GOLGA4: variants seen among roughly 807,000 people sequenced by gnomAD.
GOLGA4 encodes golgin subfamily A member 4.
GOLGA4 carries 169 observed loss-of-function variants against 265.9 expected under a neutral mutation model. The ratio of observed to expected loss-of-function variants is 0.64; its 90% CI spans 0.56 to 0.72. The LOEUF is 0.72. GOLGA4 is among the 30% of genes least tolerant of loss of function. The probability of loss-of-function intolerance (pLI) is 0.00; values close to 1 mark genes in which losing one functional copy is unlikely to be tolerated. For missense variants in GOLGA4, 2,482 were observed against 2,483.4 expected (o/e 1.00, Z 0.01); for synonymous variants, 923 against 855.8 (o/e 1.08, Z -1.37).
chr3:37,327,194 C>G lies in GOLGA4; in HGVS notation c.5308C>G (p.Arg1770Gly). 1 of 1,613,714 alleles carries G rather than the reference C, an allele frequency of 6.2e-7. No homozygotes were observed. Among genetic ancestry groups the G allele is most frequent in the African/African-American group, 1.3e-5 (1 of 74,990 alleles). The change falls in exon 14 of 24, where the codon CGA (arginine) becomes GGA (glycine). Residue 1770 changes from arginine to glycine, a missense_variant. Physicochemically the swap from Arg to Gly is moderately radical, Grantham distance 125. Around this residue, in one of 3 missense-constraint regions of GOLGA4, gnomAD observed 942 missense variants for 983.1 expected, o/e 0.96. Transcript: ENST00000361924. The part of the protein sequence containing the change: ...EETVSSHFEM[R>G]CQYQERLIKL... ...GACAGTTTCTTCTCATTTTGAAATG[C>G]GATGCCAATACCAGGAGCGCTTAAT...
intron 21 of GOLGA4, among the ~76,000 whole-genome samples, chr3:37,351,075 A>C (rs915997323): frequency 2.6e-5 from 4 of 152,056 alleles, no homozygotes; most frequent in African/African-American, 7.2e-5. Flanking sequence ...CTTCTTTCAA[A>C]ATTGCGGTCA....
At chr3:37,278,022 G>T (rs1428126040) in intron 2 of GOLGA4, among the ~76,000 whole-genome samples, 1 of 152,002 alleles carries the variant, frequency 6.6e-6, no homozygotes, top group Non-Finnish European at 1.5e-5. Flanking sequence ...CATAGTTGAA[G>T]ATTTTGTTTT....
Position 37,366,085 on chromosome 3 carries a change from G to T in GOLGA4, c.*39G>T, listed in dbSNP as rs1219001866. On this transcript the variant is annotated 3_prime_UTR_variant, in exon 24 of 24. Transcript: ENST00000361924. ...TTTTCCTTTTTCTTTTCCAGTCATG[G>T]CTCCGATCTTCATCTTGAAGAAGAG... is the stretch of plus-strand genomic sequence containing the variant. 3 of 1,526,800 alleles carry T rather than the reference G, an allele frequency of 2.0e-6. No homozygotes were observed. Among genetic ancestry groups the T allele is most frequent in the Admixed American group, 2.0e-5 (1 of 50,446 alleles). The allele number at this position is 1,526,800 out of a possible 1,614,324, so 94.6% of individuals were successfully genotyped here.
chr3:37,310,764 G>C (rs1470413921), intron 10 of GOLGA4, among the ~76,000 whole-genome samples: 2 of 151,560 alleles, frequency 1.3e-5, no homozygotes, highest in Non-Finnish European at 2.9e-5. Flanking sequence ...AATTGCCTGA[G>C]ATACATTGAA....
At chr3:37,273,744 C>T (rs2096805316) in intron 2 of GOLGA4, 3 of 566,298 alleles carry the variant, frequency 5.3e-6, no homozygotes, top group Non-Finnish European at 6.2e-6. Flanking sequence ...CACAGGTTTG[C>T]TCATGGTTTC....
chr3:37,276,299 A>C (rs901505647), intron 2 of GOLGA4: 4 of 1,598,012 alleles, frequency 2.5e-6, no homozygotes, highest in Non-Finnish European at 1.7e-6. Context: ...AGATGCAAAA[A>C]ATCCAAATTT....
intron 5 of GOLGA4, among the ~76,000 whole-genome samples, chr3:37,290,046 CTTTAGGACAA>C (rs1181370331): frequency 6.6e-6 from 1 of 152,080 alleles, no homozygotes; most frequent in African/African-American, 2.4e-5. Context: ...AAATAGGTAG[CTTTAGGACAA>C]ATCAAAGTAA....
At chr3:37,276,489 G>T (rs1200622453) in intron 2 of GOLGA4, 7 of 1,609,898 alleles carry the variant, frequency 4.3e-6, no homozygotes, top group Non-Finnish European at 5.9e-6. Flanking sequence ...TGTGGCAAAT[G>T]TAAAAAGAAG....
chr3:37,302,430 T>C (rs1188182365), intron 10 of GOLGA4, 98 bp downstream of exon 10: 10 of 1,067,984 alleles, frequency 9.4e-6, no homozygotes, highest in Non-Finnish European at 1.1e-5. Context: ...TTGATAAAAA[T>C]TCTTAACTAT....
intron 2 of GOLGA4, among the ~76,000 whole-genome samples, chr3:37,274,044 G>A (rs1340661591): frequency 1.3e-5 from 2 of 150,380 alleles, no homozygotes; most frequent in Non-Finnish European, 2.9e-5. Flanking sequence ...ACGTTGTCAT[G>A]AGCTGAGTTT....
chr3:37,259,304 A>G (rs2096762936), intron 2 of GOLGA4, among the ~76,000 whole-genome samples: 1 of 152,154 alleles, frequency 6.6e-6, no homozygotes, highest in South Asian at 2.1e-4. Flanking sequence ...GTCCCTCTGT[A>G]AGGAACTGTA....
At chr3:37,297,927 G>T (rs931738919) in intron 7 of GOLGA4, among the ~76,000 whole-genome samples, 2 of 152,134 alleles carry the variant, frequency 1.3e-5, no homozygotes, top group African/African-American at 4.8e-5. Flanking sequence ...TACTTGGGAG[G>T]TTGAGGCAGG....
chr3:37,260,461 G>A (rs546416158), intron 2 of GOLGA4, among the ~76,000 whole-genome samples: 6 of 151,878 alleles, frequency 4.0e-5, no homozygotes, highest in South Asian at 2.1e-4. Context: ...CCCCACCCCC[G>A]CTGTCTCTAC....
chr3:37,278,645 A>G (rs2150752970), intron 2 of GOLGA4, among the ~76,000 whole-genome samples: 1 of 152,228 alleles, frequency 6.6e-6, no homozygotes, highest in East Asian at 1.9e-4. Context: ...TATTCAGGAA[A>G]TAAGCTCACT....
chr3:37,267,439 T>C (rs918637009), intron 2 of GOLGA4, among the ~76,000 whole-genome samples: 1 of 152,254 alleles, frequency 6.6e-6, no homozygotes, highest in Non-Finnish European at 1.5e-5. Flanking sequence ...ACCTGTTTTT[T>C]ATATATTAAA....
chr3:37,254,754 G>T (rs544043752), intron 2 of GOLGA4, among the ~76,000 whole-genome samples: 1 of 150,776 alleles, frequency 6.6e-6, no homozygotes, highest in South Asian at 2.1e-4. Flanking sequence ...TGCCTGCCTC[G>T]GCCTCCCAAA....
In GOLGA4 at chr3:37,325,351, G is replaced by A. The variant is rs748191460; in HGVS notation, c.3465G>A (p.Glu1155=). Residue 1155 remains glutamate, a synonymous_variant, in exon 14 of 24, where the codon GAG becomes GAA. Coordinates refer to ENST00000361924, the MANE Select transcript of GOLGA4 (RefSeq NM_002078.5). ...KSLKENTFLQ[E]QLVELKMLAE... ...TGAAGGAAAATACTTTTCTTCAAGA[G>A]CAGCTAGTTGAACTGAAGATGCTGG... 1 of 1,613,522 alleles carries A rather than the reference G, an allele frequency of 6.2e-7. No homozygotes were observed. The highest frequency in any genetic ancestry group is 1.3e-5 in the African/African-American group (1 of 75,034).
intron 15 of GOLGA4, 80 bp from the exon 16 acceptor site, chr3:37,328,883 G>T (rs2096980958): frequency 9.0e-6 from 10 of 1,116,704 alleles, no homozygotes; most frequent in African/African-American, 1.6e-5. Context: ...ATTGGAATGA[G>T]AGTTGTTACT....
intron 10 of GOLGA4, among the ~76,000 whole-genome samples, chr3:37,306,737 T>C (rs1478966539): frequency 2.6e-5 from 4 of 152,146 alleles, no homozygotes; most frequent in African/African-American, 9.7e-5. Context: ...ATTATGTTAT[T>C]GACACTTTTA....
Sources: allele counts gnomAD v4.1 joint callset (sites outside exome capture counted in the v4.1 genomes callset), GRCh38; gene constraint gnomAD v4.1.1; regional missense constraint gnomAD v4.1.1; transcripts MANE v1.5; gene names NCBI Gene and HGNC (gene_info 2026-07-23, HGNC 2026-07-21).